Variants in HORMAD2 observed in about 807,000 individuals in gnomAD.
HORMAD2 encodes HORMA domain containing 2, also known as HORMA domain-containing protein 2.
In HORMAD2, 45 loss-of-function variants were observed where a neutral mutation model predicts 38.8. The observed-to-expected ratio is 1.16, with a 90% CI of 0.91 to 1.49. HORMAD2 has a LOEUF of 1.49. Among genes scored for constraint, HORMAD2 ranks in the 40% most tolerant of loss-of-function variants. The pLI, the probability that HORMAD2 is intolerant of heterozygous loss-of-function variation, is 0.00. For missense variants in HORMAD2, 338 were observed against 367.0 expected, an observed-to-expected ratio of 0.92 and a Z score of 0.65; for synonymous variants, 126 against 122.8, an observed-to-expected ratio of 1.03 and a Z score of -0.17.
In HORMAD2 at chr22:30,098,927, A is replaced by G. The variant is rs745727913; in HGVS notation, c.127A>G (p.Ile43Val). The G allele has an allele frequency of 1.1e-5, 18 of 1,613,520 alleles. No individual in the cohort carries two copies. The South Asian group carries it at 1.6e-4, about 15-fold the overall frequency. Residue 43 changes from isoleucine to valine, a missense_variant, in exon 3 of 11, where the codon ATC (isoleucine) becomes GTC (valine). Physicochemically the swap from Ile to Val is conservative, Grantham distance 29 (BLOSUM62 3). Transcript: ENST00000336726. ...GGTGAAGAAACTTTTTGCTACTTCCATCTCATGTATAACATACCTAAGGGG... is the reference window on the plus strand; with the variant it reads ...GGTGAAGAAACTTTTTGCTACTTCCGTCTCATGTATAACATACCTAAGGGG... Reference protein sequence around the residue: ...KMVKKLFATSISCITYLRGLF... With the variant: ...KMVKKLFATSVSCITYLRGLF...
chr22:30,117,766 G>A (rs1023720653), intron 7 of HORMAD2, among the ~76,000 whole-genome samples: 9 of 152,056 alleles, frequency 5.9e-5, no homozygotes, highest in African/African-American at 2.2e-4. Context: ...AAATGACCTC[G>A]GTCTCCCAAA....
intron 6 of HORMAD2, 73 bp downstream of exon 6, chr22:30,111,889 A>G: frequency 8.5e-7 from 1 of 1,179,224 alleles, no homozygotes; most frequent in Admixed American, 2.7e-5. Context: ...AAACATTAAA[A>G]CAGTACTCTC....
chr22:30,195,775 T>A, the HORMAD2 span, among the ~76,000 whole-genome samples: 1 of 152,272 alleles, frequency 6.6e-6, no homozygotes, highest in South Asian at 2.1e-4. Flanking sequence ...ACCTACATGA[T>A]TACCTGGAAC....
chr22:30,129,223 A>G (rs1923098988), intron 10 of HORMAD2, among the ~76,000 whole-genome samples: 2 of 54,930 alleles, frequency 3.6e-5, no homozygotes, highest in Middle Eastern at 0.018. Context: ...ATCTCAAAAA[A>G]AAAAAAAAAA....
chr22:30,084,328 C>T (rs571777430), intron 1 of HORMAD2, among the ~76,000 whole-genome samples: 3 of 152,244 alleles, frequency 2.0e-5, no homozygotes, highest in African/African-American at 7.2e-5. Context: ...AGTGAGTGTG[C>T]CAAACTTGCT....
intron 7 of HORMAD2, among the ~76,000 whole-genome samples, chr22:30,116,021 T>G (rs1242453145): frequency 6.6e-6 from 1 of 152,216 alleles, no homozygotes; most frequent in African/African-American, 2.4e-5. Context: ...ATAATGAGAC[T>G]AATGTCTACT....
chr22:30,091,714 GATTGCTGGATTATATGGTTTCT>G (rs1749830697), intron 1 of HORMAD2, among the ~76,000 whole-genome samples: 1 of 152,110 alleles, frequency 6.6e-6, no homozygotes, highest in South Asian at 2.1e-4. Flanking sequence ...CCAATAGTAG[GATTGCTGGATTATATGGTTTCT>G]ATTTTAAGAT....
chr22:30,124,941 T>C (rs1922729067), intron 10 of HORMAD2, among the ~76,000 whole-genome samples: 1 of 152,172 alleles, frequency 6.6e-6, no homozygotes, highest in Non-Finnish European at 1.5e-5. Context: ...GGGTTTATGT[T>C]TCCTGCCAGT....
At chr22:30,164,586 T>C (rs1185682055) in intron 10 of HORMAD2, among the ~76,000 whole-genome samples, 1 of 152,244 alleles carries the variant, frequency 6.6e-6, no homozygotes, top group Non-Finnish European at 1.5e-5. Flanking sequence ...TATTGGCTAA[T>C]TGCATATCTT....
chr22:30,108,906 TTCTCTCGC>T (rs1305420255), intron 5 of HORMAD2, among the ~76,000 whole-genome samples: 1 of 151,872 alleles, frequency 6.6e-6, no homozygotes, highest in Non-Finnish European at 1.5e-5. Context: ...TTCTCTTTCT[TTCTCTCGC>T]TCTCTCTTTC....
intron 10 of HORMAD2, among the ~76,000 whole-genome samples, chr22:30,159,084 C>T (rs1925285573): frequency 1.3e-5 from 2 of 152,172 alleles, no homozygotes; most frequent in Admixed American, 6.5e-5. Flanking sequence ...TGGTGGACAT[C>T]TGTAGCTTCA....
chr22:30,122,730 G>T (rs1922548709), intron 10 of HORMAD2, among the ~76,000 whole-genome samples: 1 of 152,134 alleles, frequency 6.6e-6, no homozygotes, highest in African/African-American at 2.4e-5. Context: ...GGGTTGGTGG[G>T]GTTGGAGCTA....
chr22:30,105,568 A>C (rs1005161898), intron 5 of HORMAD2, among the ~76,000 whole-genome samples: 1 of 152,194 alleles, frequency 6.6e-6, no homozygotes, highest in African/African-American at 2.4e-5. Flanking sequence ...TATTTAGCAA[A>C]TTCATACATT....
At chr22:30,128,632 A>G (rs904920186) in intron 10 of HORMAD2, among the ~76,000 whole-genome samples, 3 of 152,202 alleles carry the variant, frequency 2.0e-5, no homozygotes, top group Admixed American at 1.3e-4. Flanking sequence ...TATGGCTCTC[A>G]AATGAGTAGT....
At chr22:30,132,387 G>A (rs1923345323) in intron 10 of HORMAD2, among the ~76,000 whole-genome samples, 1 of 152,066 alleles carries the variant, frequency 6.6e-6, no homozygotes. Flanking sequence ...TACAAGACCA[G>A]CCTGGCCAAC....
chr22:30,188,219 G>A, the HORMAD2 span, among the ~76,000 whole-genome samples: 1 of 152,158 alleles, frequency 6.6e-6, no homozygotes, highest in African/African-American at 2.4e-5. Context: ...AGCCAAAGAG[G>A]TAAACAGCAT....
chr22:30,180,199 A>T (rs547869560), downstream of HORMAD2, among the ~76,000 whole-genome samples: 7 of 152,052 alleles, frequency 4.6e-5, no homozygotes, highest in Non-Finnish European at 8.8e-5. Context: ...CTCATTAAAC[A>T]TTTTAGTCTG....
chr22:30,107,674 T>C (rs1321260264), intron 5 of HORMAD2, among the ~76,000 whole-genome samples: 3 of 151,736 alleles, frequency 2.0e-5, no homozygotes, highest in African/African-American at 7.3e-5. Flanking sequence ...TGCTTGAGCC[T>C]AGGAGGCAGA....
At chr22:30,205,165 A>T in the HORMAD2 span, among the ~76,000 whole-genome samples, 2 of 152,168 alleles carry the variant, frequency 1.3e-5, no homozygotes, top group African/African-American at 4.8e-5. Context: ...CTTAATCCTT[A>T]AAACAACTCC....
Sources: allele counts gnomAD v4.1 joint callset (sites outside exome capture counted in the v4.1 genomes callset), GRCh38; gene constraint gnomAD v4.1.1; transcripts MANE v1.5; gene names NCBI Gene and HGNC (gene_info 2026-07-23, HGNC 2026-07-21).